The following FRMD4A variants were observed in gnomAD, a reference collection of about 807,000 sequenced individuals.
FRMD4A encodes FERM domain containing 4A.
A neutral mutation model predicts 129.1 loss-of-function variants in FRMD4A; 29 were observed. The ratio of observed to expected loss-of-function variants is 0.22; its 90% CI spans 0.17 to 0.31. The LOEUF is 0.31. Among genes scored for constraint, FRMD4A ranks in the 10% least tolerant of loss-of-function variants. The pLI, the probability that FRMD4A is intolerant of heterozygous loss-of-function variation, is 1.00. For synonymous variants in FRMD4A, 634 were observed against 571.6 expected (o/e 1.11, Z -1.56); for missense variants, 1,272 against 1,375.8 (o/e 0.92, Z 1.19).
chr10:13,735,536 T>C (rs1011775993), intron 12 of FRMD4A, among the ~76,000 whole-genome samples: 5 of 152,214 alleles, frequency 3.3e-5, no homozygotes, highest in African/African-American at 1.2e-4. Flanking sequence ...CTGTTTTACA[T>C]ACATCAAGTG....
intron 2 of FRMD4A, among the ~76,000 whole-genome samples, chr10:14,126,659 T>C (rs1334922989): frequency 1.3e-5 from 2 of 152,214 alleles, no homozygotes; most frequent in African/African-American, 4.8e-5. Flanking sequence ...TAACCTCAGA[T>C]TCTGGACCAC....
At chr10:13,942,139 C>T (rs1002943919) in intron 2 of FRMD4A, among the ~76,000 whole-genome samples, 2 of 152,170 alleles carry the variant, frequency 1.3e-5, no homozygotes, top group African/African-American at 2.4e-5. Context: ...GGACCCTATC[C>T]TTTCTCATGT....
intron 2 of FRMD4A, among the ~76,000 whole-genome samples, chr10:14,186,429 C>G (rs932723180): frequency 2.0e-5 from 3 of 152,174 alleles, no homozygotes; most frequent in Admixed American, 6.5e-5. Flanking sequence ...GAATCCACCC[C>G]GTAAACCTCT....
At chr10:13,993,718 C>G (rs2095611780) in intron 2 of FRMD4A, among the ~76,000 whole-genome samples, 1 of 152,144 alleles carries the variant, frequency 6.6e-6, no homozygotes, top group Non-Finnish European at 1.5e-5. Flanking sequence ...TGTCCTATTG[C>G]TAGGTAATAA....
intron 2 of FRMD4A, among the ~76,000 whole-genome samples, chr10:13,961,511 C>A (rs2095445421): frequency 6.6e-6 from 1 of 152,198 alleles, no homozygotes; most frequent in Non-Finnish European, 1.5e-5. Context: ...AATAAGGCCA[C>A]CTGATGGTTC....
chr10:13,991,960 T>C (rs543708798), intron 2 of FRMD4A: 36 of 152,342 alleles, frequency 2.4e-4, no homozygotes, highest in African/African-American at 8.7e-4. Context: ...GCCTCAACTT[T>C]AGCTTGAGTT....
chr10:14,277,319 C>A (rs758661318), intron 2 of FRMD4A, among the ~76,000 whole-genome samples: 1 of 152,206 alleles, frequency 6.6e-6, no homozygotes, highest in Admixed American at 6.5e-5. Context: ...TGGAAATCCT[C>A]ACCTGCAAGG....
At chr10:14,166,255 A>G (rs1436403846) in intron 2 of FRMD4A, among the ~76,000 whole-genome samples, 3 of 151,072 alleles carry the variant, frequency 2.0e-5, no homozygotes, top group Non-Finnish European at 2.9e-5. Context: ...CATTATGACT[A>G]TTAGAACAAT....
At chr10:14,135,198 C>G (rs561478047) in intron 2 of FRMD4A, among the ~76,000 whole-genome samples, 3 of 152,320 alleles carry the variant, frequency 2.0e-5, no homozygotes, top group Admixed American at 6.5e-5. Context: ...AGAAAGAACT[C>G]CATACTTCTA....
chr10:13,848,609 CGTGTGTGT>C (rs59271113), intron 3 of FRMD4A, among the ~76,000 whole-genome samples: 10 of 124,070 alleles, frequency 8.1e-5, no homozygotes, highest in South Asian at 2.8e-4. Flanking sequence ...TGTGTGTGTA[CGTGTGTGT>C]GTGTGTGTGT....
intron 3 of FRMD4A, among the ~76,000 whole-genome samples, chr10:13,837,067 T>A (rs60515559): frequency 6.8e-6 from 1 of 147,252 alleles, no homozygotes; most frequent in South Asian, 2.2e-4. Context: ...GGTTCCTCAG[T>A]GGTTCTTAAG....
chr10:13,973,636 T>C (rs1375470063), intron 2 of FRMD4A, among the ~76,000 whole-genome samples: 2 of 152,078 alleles, frequency 1.3e-5, no homozygotes, highest in East Asian at 3.8e-4. Context: ...CTACAGAATC[T>C]TGCCTTTCTA....
chr10:13,654,266 C>A, intron 23 of FRMD4A, 150 bp downstream of exon 23: 1 of 666,320 alleles, frequency 1.5e-6, no homozygotes, highest in Non-Finnish European at 2.7e-6. Context: ...GAGGTGACAG[C>A]AGATCATGGG....
At chr10:14,295,239 C>T (rs7903494) in intron 2 of FRMD4A, among the ~76,000 whole-genome samples, 48,723 of 151,724 alleles carry the variant, frequency 0.32, 8,139 homozygotes, top group Middle Eastern at 0.37. Context: ...CTCCTGATTT[C>T]ACTCCTGCCT....
intron 12 of FRMD4A, among the ~76,000 whole-genome samples, chr10:13,720,747 C>G (rs1343158762): frequency 6.6e-6 from 1 of 152,040 alleles, no homozygotes; most frequent in Non-Finnish European, 1.5e-5. Flanking sequence ...AGAAAGAAAC[C>G]AGGGGCAAAG....
chr10:14,319,074 C>A (rs1846866817), intron 2 of FRMD4A, among the ~76,000 whole-genome samples: 1 of 152,160 alleles, frequency 6.6e-6, no homozygotes, highest in African/African-American at 2.4e-5. Context: ...GTTCACAGAA[C>A]CAGCTGTGGT....
chr10:14,159,165 T>C (rs1420210084), intron 2 of FRMD4A, among the ~76,000 whole-genome samples: 6 of 152,150 alleles, frequency 3.9e-5, no homozygotes, highest in Non-Finnish European at 1.5e-5. Context: ...CTGGAAAATA[T>C]AAAAACAAAT....
intron 2 of FRMD4A, among the ~76,000 whole-genome samples, chr10:14,298,459 C>G (rs964869250): frequency 6.6e-6 from 1 of 152,182 alleles, no homozygotes; most frequent in Non-Finnish European, 1.5e-5. Context: ...GCAAACCAGG[C>G]AGGACACCCA....
chr10:14,102,715 C>T (rs1837371136), intron 2 of FRMD4A, among the ~76,000 whole-genome samples: 1 of 150,194 alleles, frequency 6.7e-6, no homozygotes, highest in Non-Finnish European at 1.5e-5. Flanking sequence ...AAAGCTTACT[C>T]AAATTAGATG....
Sources: allele counts gnomAD v4.1 joint callset (sites outside exome capture counted in the v4.1 genomes callset), GRCh38; gene constraint gnomAD v4.1.1; transcripts MANE v1.5; gene names NCBI Gene and HGNC (gene_info 2026-07-23, HGNC 2026-07-21).